NCOR1: variants seen among roughly 807,000 people sequenced by gnomAD.
NCOR1 encodes protein phosphatase 1, regulatory subunit 109.
A neutral mutation model predicts 288.1 loss-of-function variants in NCOR1; 63 were observed. The ratio of observed to expected loss-of-function variants is 0.22; its 90% confidence interval spans 0.18 to 0.27. The LOEUF (loss-of-function observed/expected upper bound fraction) is 0.27, where lower values mean the gene tolerates loss of function less well. Among genes scored for constraint, NCOR1 ranks in the 10% least tolerant of loss-of-function variants. NCOR1 has a pLI of 1.00. For missense variants in NCOR1, 2,397 were observed against 3,019.2 expected (o/e 0.79, Z 4.83); for synonymous variants, 1,007 against 1,065.9 (o/e 0.94, Z 1.08).
chr17:16,100,093 G>T (rs981234469), intron 20 of NCOR1, among the ~76,000 whole-genome samples: 2 of 152,124 alleles, frequency 1.3e-5, no homozygotes, highest in Admixed American at 1.3e-4. Flanking sequence ...AAAAAAAGGA[G>T]TGGGGTTTAA....
chr17:16,076,831 C>A (rs909716391), intron 26 of NCOR1, among the ~76,000 whole-genome samples: 1 of 152,160 alleles, frequency 6.6e-6, no homozygotes, highest in South Asian at 2.1e-4. Context: ...TACAGCTTTC[C>A]GAATCCCGGC....
intron 19 of NCOR1, among the ~76,000 whole-genome samples, chr17:16,102,968 C>T (rs1050600844): frequency 6.6e-6 from 1 of 152,226 alleles, no homozygotes; most frequent in Non-Finnish European, 1.5e-5. Flanking sequence ...CCACACTGGA[C>T]AGAAGGCTGT....
At chr17:16,150,271 A>G (rs751931775) in intron 8 of NCOR1, among the ~76,000 whole-genome samples, 2 of 152,050 alleles carry the variant, frequency 1.3e-5, no homozygotes, top group African/African-American at 2.4e-5. Flanking sequence ...CTCCACTCAA[A>G]TAAGTATGGA....
intron 11 of NCOR1, among the ~76,000 whole-genome samples, chr17:16,143,159 T>C (rs769659215): frequency 6.6e-6 from 1 of 152,164 alleles, no homozygotes; most frequent in Non-Finnish European, 1.5e-5. Context: ...ATACTGCCAT[T>C]TGTAAAATAC....
chr17:16,060,849 T>G (rs1047737161), intron 37 of NCOR1, among the ~76,000 whole-genome samples: 9 of 152,216 alleles, frequency 5.9e-5, no homozygotes, highest in Admixed American at 2.0e-4. Context: ...AAGTAACTTT[T>G]CTAGCATTTT....
intron 1 of NCOR1, among the ~76,000 whole-genome samples, chr17:16,199,216 A>AAACAAC (rs1337668798): frequency 1.6e-5 from 2 of 122,320 alleles, no homozygotes; most frequent in African/African-American, 6.5e-5. Flanking sequence ...AAAAAAAAAA[A>AAACAAC]ACACACACAC....
rs1600261666 is a variant in NCOR1, at chr17:16,191,226, A to T, written c.108+3236T>A. Among the ~76,000 whole-genome samples the T allele has an allele frequency of 3.9e-5, 6 of 152,324 alleles. 1 individual carries two copies. The highest frequency in any genetic ancestry group is 3.9e-4 in the Admixed American group (6 of 15,302). On this transcript the variant is annotated intron_variant, in intron 2 of 45. Coordinates refer to ENST00000268712, the MANE Select transcript of NCOR1 (RefSeq NM_006311.4). ...TCACTCAGGGCAAGAACTCATTCAA[A>T]TTTCTTCCAGCAAGAGTGAGGAAAT...
intron 1 of NCOR1, among the ~76,000 whole-genome samples, chr17:16,199,904 T>C (rs1600460565): frequency 6.6e-6 from 1 of 152,220 alleles, no homozygotes; most frequent in East Asian, 1.9e-4. Context: ...AACTGAATTA[T>C]ACAGATAAAC....
chr17:16,092,384 G>T (rs2065311799), intron 21 of NCOR1, among the ~76,000 whole-genome samples: 1 of 151,778 alleles, frequency 6.6e-6, no homozygotes, highest in Admixed American at 6.6e-5. Context: ...CTACTCGGGA[G>T]GCTGACACAT....
chr17:16,211,905 G>A (rs1568722195), intron 1 of NCOR1, among the ~76,000 whole-genome samples: 1 of 152,082 alleles, frequency 6.6e-6, no homozygotes, highest in Non-Finnish European at 1.5e-5. Context: ...AATAGAAAAA[G>A]AAACAAAATG....
chr17:16,149,520 A>G lies in NCOR1; in HGVS notation c.843-3T>C. 2 of 1,461,920 alleles carry G rather than the reference A, an allele frequency of 1.4e-6. No individual in the cohort carries two copies. The highest frequency in any genetic ancestry group is 1.9e-6 in the Non-Finnish European group (2 of 1,068,044). 90.6% of individuals were successfully genotyped at this position (1,461,920 alleles called of 1,614,324 possible). On this transcript the variant is annotated splice_region_variant and splice_polypyrimidine_tract_variant and intron_variant, in intron 8 of 45. Coordinates refer to ENST00000268712, the MANE Select transcript of NCOR1 (RefSeq NM_006311.4). ...GTTTTTTCCTCATCACCTGGTTTCT[A>G]GAAGAGAAAAATATGGTTGCATGAC...
In NCOR1 at chr17:16,061,855, C is replaced by T. The variant is rs376444598; in HGVS notation, c.5427G>A (p.Leu1809=). 2.3e-5 allele frequency: 37 copies of T among 1,613,006 alleles called. No individual in the cohort carries two copies. The African/African-American group carries it at 3.6e-4, about 16-fold the overall frequency. ...CAGCAGTGTTGTAACGGGAGGCTGG[C>T]AGGCCTTGGCTTATTGAAGGGCCCC... is the stretch of plus-strand genomic sequence containing the variant. The part of the protein sequence containing the change: ...PAGGPSISQG[L]PASRYNTAAD... The change falls in exon 37 of 46, where the codon CTG becomes CTA. Residue 1809 remains leucine, a synonymous_variant. Coordinates refer to ENST00000268712, the MANE Select transcript of NCOR1 (RefSeq NM_006311.4).
At chr17:16,143,234 G>C (rs2077399432) in intron 11 of NCOR1, among the ~76,000 whole-genome samples, 1 of 152,186 alleles carries the variant, frequency 6.6e-6, no homozygotes, top group Admixed American at 6.5e-5. Context: ...AAACAAGGGA[G>C]TCACATTCTA....
chr17:16,148,508 AG>A (rs1400679185), intron 9 of NCOR1, among the ~76,000 whole-genome samples: 2 of 152,092 alleles, frequency 1.3e-5, no homozygotes, highest in African/African-American at 4.8e-5. Flanking sequence ...TACACAGCCA[AG>A]TGATATTTAA....
At chr17:16,040,164 A>C in intron 43 of NCOR1, 1 of 557,568 alleles carries the variant, frequency 1.8e-6, no homozygotes, top group Non-Finnish European at 3.4e-6. Flanking sequence ...CCACACTTCT[A>C]TTAAAGTTAC....
At chr17:16,113,223 AT>A (rs1334238963) in intron 18 of NCOR1, among the ~76,000 whole-genome samples, 1 of 150,052 alleles carries the variant, frequency 6.7e-6, no homozygotes, top group Admixed American at 6.7e-5. Flanking sequence ...CCAAGAATTT[AT>A]TTTTTTAATG....
intron 14 of NCOR1, among the ~76,000 whole-genome samples, chr17:16,130,621 C>G (rs1381510219): frequency 6.6e-6 from 1 of 152,118 alleles, no homozygotes; most frequent in Non-Finnish European, 1.5e-5. Flanking sequence ...TTCTAGAACA[C>G]ATATAAAACA....
At chr17:16,113,917 T>A (rs925607697) in intron 18 of NCOR1, among the ~76,000 whole-genome samples, 1 of 151,306 alleles carries the variant, frequency 6.6e-6, no homozygotes, top group African/African-American at 2.4e-5. Context: ...AAGAAAAAAA[T>A]CTGTAACCTA....
At position 16,092,666 on chromosome 17, in the gene NCOR1, TATATATATATATATATATATATA is replaced by T. The variant is rs1567957013; in HGVS notation, c.2821-631_2821-609del. On this transcript the variant is annotated intron_variant, in intron 21 of 45. Transcript: ENST00000268712. ...ATCCATTTATATATATATATATATA[TATATATATATATATATATATATA>T]TATATATTTTTTTTTTTTTTTTTTT... Among the ~76,000 whole-genome samples the T allele has an allele frequency of 8.4e-4, 12 of 14,304 alleles. 1 individual carries two copies. Among genetic ancestry groups the T allele is most frequent in the African/African-American group, 3.2e-3 (12 of 3,694 alleles). The allele number at this position is 14,304 out of a possible 152,430, so 9.4% of individuals were successfully genotyped here. A position where few individuals can be genotyped will look rare whatever the true frequency, so the allele number is the denominator to read the frequency against.
Sources: allele counts gnomAD v4.1 joint callset (sites outside exome capture counted in the v4.1 genomes callset), GRCh38; gene constraint gnomAD v4.1.1; transcripts MANE v1.5; gene names NCBI Gene and HGNC (gene_info 2026-07-23, HGNC 2026-07-21).